ADGRL4: variants seen among roughly 807,000 people sequenced by gnomAD.
ADGRL4 encodes EGF, latrophilin and seven transmembrane domain containing 1.
In ADGRL4, 90 loss-of-function variants were observed where a neutral mutation model predicts 74.8. The observed-to-expected ratio is 1.20, with a 90% CI of 1.02 to 1.43. The LOEUF is 1.43. Ranked by LOEUF, ADGRL4 falls within the 40% of genes most tolerant of loss-of-function variation. The pLI is 0.00. For synonymous variants in ADGRL4, 311 were observed against 279.2 expected (o/e 1.11, Z -1.14); for missense variants, 881 against 814.3 (o/e 1.08, Z -1.00).
intron 4 of ADGRL4, among the ~76,000 whole-genome samples, chr1:78,938,689 A>T (rs1445790418): frequency 6.6e-6 from 1 of 152,106 alleles, no homozygotes; most frequent in Non-Finnish European, 1.5e-5. Flanking sequence ...TCAACCAAAG[A>T]AAATTCTTTA....
rs1319513957 is a variant in ADGRL4, at chr1:78,932,625, A to AAAAAAC, written c.877+3669_877+3670insGTTTTT. Among the ~76,000 whole-genome samples, 4 of 125,480 alleles carry AAAAAAC rather than the reference A, an allele frequency of 3.2e-5. No individual in the cohort carries two copies. In the Admixed American group the frequency reaches 3.5e-4, roughly 11 times the overall value. The allele number at this position is 125,480 out of a possible 152,430, so 82.3% of individuals were successfully genotyped here. On this transcript the variant is annotated intron_variant, in intron 7 of 14. Coordinates refer to ENST00000370742, the MANE Select transcript of ADGRL4 (RefSeq NM_022159.4). ...ACAAAAACCCCTCCAAAAAAAAAAA[A>AAAAAAC]AACAATGAATCCAGAAGCTGGTTAA... is the stretch of plus-strand genomic sequence containing the variant.
intron 2 of ADGRL4, among the ~76,000 whole-genome samples, chr1:78,969,627 A>G (rs1195097912): frequency 6.6e-6 from 1 of 152,078 alleles, no homozygotes; most frequent in African/African-American, 2.4e-5. Context: ...CTCTTGCTGC[A>G]CTTCATTCAA....
At chr1:78,903,978 T>TA (rs1195658883) in intron 12 of ADGRL4, among the ~76,000 whole-genome samples, 38 of 133,538 alleles carry the variant, frequency 2.8e-4, no homozygotes, top group African/African-American at 8.7e-4. Flanking sequence ...AATAAATAAA[T>TA]AATAATAATA....
rs1173279131 is a variant in ADGRL4, at chr1:78,939,523, T to TC, written c.326-266dup. On this transcript the variant is annotated intron_variant, in intron 3 of 14. Coordinates refer to ENST00000370742, the MANE Select transcript of ADGRL4 (RefSeq NM_022159.4). ...AAAAAATAGGCTTTCATTTCTTTGT[T>TC]CCATAGAAGATAAAGGAATGCAGGC... The TC allele has an allele frequency of 1.9e-4, 42 of 216,548 alleles. No homozygotes were observed. The East Asian group carries it at 4.9e-3, about 25-fold the overall frequency. 13.4% of individuals were successfully genotyped at this position (216,548 alleles called of 1,614,324 possible).
chr1:78,959,815 C>T (rs1649908306), intron 2 of ADGRL4, among the ~76,000 whole-genome samples: 1 of 152,104 alleles, frequency 6.6e-6, no homozygotes, highest in Admixed American at 6.6e-5. Flanking sequence ...GACACTTTTA[C>T]ATCAAGATCA....
chr1:78,979,133 A>G (rs1650350866), intron 2 of ADGRL4, among the ~76,000 whole-genome samples: 2 of 151,986 alleles, frequency 1.3e-5, no homozygotes, highest in Non-Finnish European at 2.9e-5. Flanking sequence ...AGATTTTACC[A>G]TAATTTGGAA....
chr1:78,965,699 G>A (rs1650042068), intron 2 of ADGRL4, among the ~76,000 whole-genome samples: 2 of 152,096 alleles, frequency 1.3e-5, no homozygotes, highest in South Asian at 2.1e-4. Context: ...CAACTATTAT[G>A]TTCTAGGCCA....
chr1:78,919,552 T>C (rs1358531562), intron 10 of ADGRL4, among the ~76,000 whole-genome samples: 2 of 151,910 alleles, frequency 1.3e-5, no homozygotes, highest in Non-Finnish European at 2.9e-5. Context: ...TCTTCTTTTC[T>C]TCCCTCAGGA....
At chr1:78,989,611 G>C (rs1377641176) in intron 2 of ADGRL4, among the ~76,000 whole-genome samples, 1 of 151,518 alleles carries the variant, frequency 6.6e-6, no homozygotes, top group East Asian at 1.9e-4. Context: ...TGTGGAGTTT[G>C]GGAAAAGCAG....
intron 2 of ADGRL4, among the ~76,000 whole-genome samples, chr1:78,996,597 C>G (rs565966969): frequency 3.3e-5 from 5 of 152,120 alleles, no homozygotes; most frequent in African/African-American, 1.2e-4. Flanking sequence ...TTATTTTATC[C>G]TCTGCTAAAT....
chr1:78,916,277 T>C (rs1460834663), intron 12 of ADGRL4, among the ~76,000 whole-genome samples: 1 of 151,898 alleles, frequency 6.6e-6, no homozygotes, highest in Admixed American at 6.6e-5. Context: ...CTACTTTTTA[T>C]CTAAACAATA....
intron 2 of ADGRL4, among the ~76,000 whole-genome samples, chr1:78,996,588 T>C (rs1055380918): frequency 5.3e-5 from 8 of 152,178 alleles, no homozygotes; most frequent in South Asian, 2.1e-4. Flanking sequence ...TTATGTCTTT[T>C]ATTTTATCCT....
At chr1:78,897,868 T>C (rs1648430559) in intron 12 of ADGRL4, among the ~76,000 whole-genome samples, 1 of 152,142 alleles carries the variant, frequency 6.6e-6, no homozygotes, top group African/African-American at 2.4e-5. Context: ...AACTCACATT[T>C]ACTCGTTTAT....
chr1:78,924,182 C>G (rs992887012), intron 8 of ADGRL4, among the ~76,000 whole-genome samples: 4 of 151,784 alleles, frequency 2.6e-5, no homozygotes, highest in Non-Finnish European at 5.9e-5. Flanking sequence ...GACATATGAA[C>G]GAGATCTAGA....
At chr1:78,941,562 C>T (rs78268659) in intron 3 of ADGRL4, among the ~76,000 whole-genome samples, 1 of 124,600 alleles carries the variant, frequency 8.0e-6, no homozygotes, top group Non-Finnish European at 1.7e-5. Flanking sequence ...TCAATCCCCC[C>T]TTTTTTTTTT....
At chr1:78,970,647 C>G (rs1650149842) in intron 2 of ADGRL4, among the ~76,000 whole-genome samples, 1 of 152,176 alleles carries the variant, frequency 6.6e-6, no homozygotes, top group African/African-American at 2.4e-5. Flanking sequence ...GCCTGCTCCC[C>G]TTTTCCTAGA....
chr1:78,957,967 T>C (rs568628084), intron 2 of ADGRL4, among the ~76,000 whole-genome samples: 1 of 152,272 alleles, frequency 6.6e-6, no homozygotes, highest in South Asian at 2.1e-4. Flanking sequence ...ATTCCAAATA[T>C]CCTGGAGCCT....
intron 12 of ADGRL4, among the ~76,000 whole-genome samples, chr1:78,898,850 T>C (rs1294848567): frequency 6.6e-6 from 1 of 152,196 alleles, no homozygotes; most frequent in Non-Finnish European, 1.5e-5. Context: ...TTTTGTTGTT[T>C]GACAGTGTGT....
At chr1:78,900,367 C>T (rs1320548291) in intron 12 of ADGRL4, among the ~76,000 whole-genome samples, 3 of 152,176 alleles carry the variant, frequency 2.0e-5, no homozygotes, top group Non-Finnish European at 4.4e-5. Context: ...ACCCAGACTT[C>T]TAACCTACAG....
Sources: allele counts gnomAD v4.1 joint callset (sites outside exome capture counted in the v4.1 genomes callset), GRCh38; gene constraint gnomAD v4.1.1; transcripts MANE v1.5; gene names NCBI Gene and HGNC (gene_info 2026-07-23, HGNC 2026-07-21).